The following SGCD variants were observed in gnomAD, a reference collection of about 807,000 sequenced individuals.
The protein encoded by SGCD is delta-sarcoglycan.
SGCD carries 18 observed loss-of-function variants against 36.6 expected under a neutral mutation model. That is an observed-to-expected ratio of 0.49 (90% CI 0.34 to 0.73). The LOEUF (loss-of-function observed/expected upper bound fraction) is 0.73, where lower values mean the gene tolerates loss of function less well. Among genes scored for constraint, SGCD ranks in the 30% least tolerant of loss-of-function variants. The pLI is 0.01. For synonymous variants in SGCD, 133 were observed against 130.6 expected, an observed-to-expected ratio of 1.02 and a Z score of -0.12; for missense variants, 387 against 346.7, an observed-to-expected ratio of 1.12 and a Z score of -0.92.
the SGCD span, among the ~76,000 whole-genome samples, chr5:155,781,392 G>A: frequency 6.6e-6 from 1 of 152,122 alleles, no homozygotes; most frequent in African/African-American, 2.4e-5. Flanking sequence ...ATGGGAAGAC[G>A]GAAATCTTTG....
the SGCD span, among the ~76,000 whole-genome samples, chr5:155,846,932 G>T: frequency 6.6e-6 from 1 of 152,062 alleles, no homozygotes; most frequent in Non-Finnish European, 1.5e-5. Flanking sequence ...TGCTCAACAA[G>T]AATTTTCATT....
the SGCD span, among the ~76,000 whole-genome samples, chr5:155,742,865 C>G: frequency 1.3e-5 from 2 of 152,192 alleles, no homozygotes; most frequent in African/African-American, 2.4e-5. Flanking sequence ...TTACCCTCTC[C>G]TCTGATTTCA....
intron 3 of SGCD, among the ~76,000 whole-genome samples, chr5:156,149,786 C>G (rs1295617679): frequency 6.6e-6 from 1 of 152,108 alleles, no homozygotes; most frequent in African/African-American, 2.4e-5. Flanking sequence ...TTAAGTGAGC[C>G]TATGGTTTGC....
At chr5:156,747,231 A>G (rs1271012107) in intron 7 of SGCD, among the ~76,000 whole-genome samples, 2 of 152,212 alleles carry the variant, frequency 1.3e-5, no homozygotes, top group African/African-American at 4.8e-5. Flanking sequence ...TAAAACTGCA[A>G]AACTATCCTG....
intron 1 of SGCD, among the ~76,000 whole-genome samples, chr5:155,939,188 TAA>T (rs2113406343): frequency 6.6e-6 from 1 of 152,322 alleles, no homozygotes; most frequent in South Asian, 2.1e-4. Flanking sequence ...TGAAAATTGC[TAA>T]GAGAATAGGT....
At chr5:155,916,653 A>G (rs1432190180) in intron 1 of SGCD, among the ~76,000 whole-genome samples, 1 of 152,206 alleles carries the variant, frequency 6.6e-6, no homozygotes. Flanking sequence ...CAGATACAAA[A>G]CATGCATTGT....
the SGCD span, among the ~76,000 whole-genome samples, chr5:155,808,152 CT>C: frequency 2.6e-5 from 4 of 152,182 alleles, no homozygotes; most frequent in Non-Finnish European, 4.4e-5. Context: ...GGCCACGTAC[CT>C]TGTGGGCCTC....
chr5:156,005,502 G>C (rs1255929377), intron 1 of SGCD, among the ~76,000 whole-genome samples: 1 of 152,112 alleles, frequency 6.6e-6, no homozygotes, highest in Non-Finnish European at 1.5e-5. Flanking sequence ...CCAGGCTGGA[G>C]TGCAGTGGCG....
At chr5:156,103,160 T>C (rs1332833072) in intron 1 of SGCD, among the ~76,000 whole-genome samples, 1 of 152,196 alleles carries the variant, frequency 6.6e-6, no homozygotes, top group Non-Finnish European at 1.5e-5. Flanking sequence ...AACATTTTAC[T>C]AGTATTTCAA....
chr5:156,228,264 G>A (rs1469420476), intron 3 of SGCD, among the ~76,000 whole-genome samples: 2 of 152,020 alleles, frequency 1.3e-5, no homozygotes, highest in Admixed American at 6.6e-5. Context: ...CACTATTATT[G>A]TGTTGCTATC....
rs142353954 is a variant in SGCD, at chr5:156,435,917, C to T, written c.193-72684C>T. Among the ~76,000 whole-genome samples the T allele has an allele frequency of 1.1e-4, 17 of 152,224 alleles. No homozygotes were observed. In the East Asian group the frequency reaches 2.5e-3, roughly 22 times the overall value. ...ACCTTCTGTCCAAGATGCTGTTTGC[C>T]GTTATCTTGAGCTGGTAAAATTCTA... is the stretch of plus-strand genomic sequence containing the variant. On this transcript the variant is annotated intron_variant, in intron 3 of 8. Coordinates refer to ENST00000337851, the MANE Select transcript of SGCD (RefSeq NM_000337.6).
intron 3 of SGCD, among the ~76,000 whole-genome samples, chr5:156,217,880 ATTCT>A (rs965265458): frequency 7.9e-5 from 12 of 152,292 alleles, no homozygotes; most frequent in African/African-American, 2.9e-4. Context: ...TATCTAGTTT[ATTCT>A]TTCATTATAA....
intron 4 of SGCD, among the ~76,000 whole-genome samples, chr5:156,509,602 T>A (rs1247460041): frequency 6.6e-6 from 1 of 152,226 alleles, no homozygotes; most frequent in East Asian, 1.9e-4. Context: ...TTTTATAGAT[T>A]AAAGAATTGA....
At chr5:155,805,095 A>G in the SGCD span, among the ~76,000 whole-genome samples, 5 of 152,186 alleles carry the variant, frequency 3.3e-5, no homozygotes, top group Non-Finnish European at 5.9e-5. Flanking sequence ...ATTAGTAGCT[A>G]CTGTATTAGA....
At chr5:156,023,073 A>C (rs574077523) in intron 1 of SGCD, among the ~76,000 whole-genome samples, 12 of 152,334 alleles carry the variant, frequency 7.9e-5, no homozygotes, top group African/African-American at 2.6e-4. Flanking sequence ...CATGACCCAC[A>C]CAGTGATTCT....
intron 4 of SGCD, among the ~76,000 whole-genome samples, chr5:156,556,609 G>A (rs1360281143): frequency 1.3e-5 from 2 of 152,070 alleles, no homozygotes; most frequent in Non-Finnish European, 2.9e-5. Context: ...GTTTGCTGGA[G>A]TGTGTGCTAA....
chr5:156,238,718 T>G (rs1488655794), intron 3 of SGCD, among the ~76,000 whole-genome samples: 1 of 152,216 alleles, frequency 6.6e-6, no homozygotes, highest in Admixed American at 6.5e-5. Flanking sequence ...TGGCTTTCAC[T>G]GATCCCCAGG....
chr5:156,232,615 A>G (rs1171543665), intron 3 of SGCD, among the ~76,000 whole-genome samples: 1 of 152,214 alleles, frequency 6.6e-6, no homozygotes, highest in Non-Finnish European at 1.5e-5. Flanking sequence ...ACCATGCATC[A>G]TTAGGATTCT....
intron 3 of SGCD, among the ~76,000 whole-genome samples, chr5:156,188,676 C>CCCA (rs1763821281): frequency 1.3e-4 from 18 of 136,054 alleles, no homozygotes; most frequent in African/African-American, 4.5e-4. Context: ...CCGCCCCCCC[C>CCCA]GACACACATA....
Sources: gnomAD v4.1 joint callset for allele counts (sites outside exome capture counted in the v4.1 genomes callset) on GRCh38, gnomAD v4.1.1 for gene constraint, MANE v1.5 for transcripts, NCBI Gene and HGNC (gene_info 2026-07-23, HGNC 2026-07-21) for gene names.